Variants in PIWIL4 observed in about 807,000 individuals in gnomAD.
PIWIL4 encodes the protein piwi-like protein 4.
A neutral mutation model predicts 100.9 loss-of-function variants in PIWIL4; 50 were observed. The ratio of observed to expected loss-of-function variants is 0.50; its 90% CI spans 0.39 to 0.63. The LOEUF (loss-of-function observed/expected upper bound fraction) is 0.63, where lower values mean the gene tolerates loss of function less well. PIWIL4 is among the 20% of genes least tolerant of loss of function. The pLI is 0.00. For missense variants in PIWIL4, 887 were observed against 1,043.3 expected, an observed-to-expected ratio of 0.85 and a Z score of 2.06; for synonymous variants, 342 against 367.5, an observed-to-expected ratio of 0.93 and a Z score of 0.79.
At chr11:94,603,204 G>A (rs974056571) in intron 12 of PIWIL4, among the ~76,000 whole-genome samples, 9 of 150,974 alleles carry the variant, frequency 6.0e-5, no homozygotes, top group Admixed American at 5.9e-4. Flanking sequence ...TTGCTGAGAC[G>A]GTTCGGCCAG....
At position 94,595,355 on chromosome 11, in the gene PIWIL4, G is replaced by A. The variant is rs1186277450; in HGVS notation, c.1197G>A (p.Val399=). 1 of 1,613,918 alleles carries A rather than the reference G, an allele frequency of 6.2e-7. No homozygotes were observed. The highest frequency in any genetic ancestry group is 8.5e-7 in the Non-Finnish European group (1 of 1,179,912). Residue 399 remains valine (V), a synonymous_variant, in exon 10 of 20, where the codon GTG becomes GTA. Coordinates refer to ENST00000299001, the MANE Select transcript of PIWIL4 (RefSeq NM_152431.3). ...ATSDFQLMKA[V]AEKTRLSPSG... ...CTGATTTCCAGCTGATGAAGGCTGTGGCTGAAAAGACACGTCTCAGTCCTT... is the reference window on the plus strand; with the variant it reads ...CTGATTTCCAGCTGATGAAGGCTGTAGCTGAAAAGACACGTCTCAGTCCTT...
chr11:94,612,042 G>A (rs989555100), intron 15 of PIWIL4, among the ~76,000 whole-genome samples: 11 of 152,072 alleles, frequency 7.2e-5, no homozygotes, highest in East Asian at 3.9e-4. Flanking sequence ...GTTGTTGGCC[G>A]AAACATTTTA....
At chr11:94,594,327 C>A (rs7946088) in intron 9 of PIWIL4, among the ~76,000 whole-genome samples, 19,345 of 151,372 alleles carry the variant, frequency 0.13, 1,806 homozygotes, top group African/African-American at 0.26. Flanking sequence ...CTAGCTGGGC[C>A]CGGTGGCACG....
chr11:94,572,211 G>A (rs1591773013), intron 2 of PIWIL4, among the ~76,000 whole-genome samples: 1 of 152,260 alleles, frequency 6.6e-6, no homozygotes, highest in East Asian at 1.9e-4. Flanking sequence ...TGGGTAGATT[G>A]CAAAAATTTT....
intron 2 of PIWIL4, 63 bp downstream of exon 2, chr11:94,568,871 G>T (rs1948110961): frequency 6.9e-7 from 1 of 1,453,894 alleles, no homozygotes. Flanking sequence ...GAGGAGCCCT[G>T]CCAGGCCTTA....
intron 8 of PIWIL4, among the ~76,000 whole-genome samples, chr11:94,590,615 C>A (rs114636089): frequency 0.011 from 1,650 of 152,284 alleles, 28 homozygotes; most frequent in African/African-American, 0.037. Context: ...AGACTGAATT[C>A]ATTGTCTTTC....
At chr11:94,583,056 G>GTT (rs1392365602) in intron 4 of PIWIL4, among the ~76,000 whole-genome samples, 1 of 151,682 alleles carries the variant, frequency 6.6e-6, no homozygotes, top group Admixed American at 6.6e-5. Context: ...GTGTGTGTGT[G>GTT]TGTGTGTGTG....
chr11:94,620,080 G>T lies in PIWIL4; in HGVS notation c.2378G>T (p.Gly793Val), dbSNP rs1948889906. ...TYYNVIYDDN[G>V]LKPDHMQRLT... ...TATAATGTCATCTATGATGACAACG[G>T]CTTGAAGCCCGACCATATGCAGAGA... Residue 793 changes from glycine (G) to valine (V), a missense_variant, in exon 19 of 20, where the codon GGC becomes GTC. Physicochemically the swap from Gly to Val is moderately radical, Grantham distance 109. Coordinates refer to ENST00000299001, the MANE Select transcript of PIWIL4 (RefSeq NM_152431.3). 1 of 1,613,844 alleles carries T rather than the reference G, an allele frequency of 6.2e-7. No individual in the cohort carries two copies. The highest frequency in any genetic ancestry group is 8.5e-7 in the Non-Finnish European group (1 of 1,179,916).
intron 15 of PIWIL4, among the ~76,000 whole-genome samples, chr11:94,610,903 G>A (rs1948781459): frequency 6.6e-6 from 1 of 152,140 alleles, no homozygotes; most frequent in Admixed American, 6.5e-5. Flanking sequence ...AAGTTTTGCA[G>A]TGTAAGATCT....
chr11:94,584,876 C>G (rs776516189), intron 5 of PIWIL4, among the ~76,000 whole-genome samples: 9 of 152,128 alleles, frequency 5.9e-5, no homozygotes, highest in Middle Eastern at 3.2e-3. Flanking sequence ...ACCAGCCTGA[C>G]CAACATGGAG....
chr11:94,574,037 G>C (rs183182347), intron 2 of PIWIL4, among the ~76,000 whole-genome samples: 382 of 152,210 alleles, frequency 2.5e-3, no homozygotes, highest in Non-Finnish European at 4.2e-3. Context: ...GAGGGTAATA[G>C]AATTCTAGAA....
chr11:94,570,325 C>T (rs185992520), intron 2 of PIWIL4, among the ~76,000 whole-genome samples: 72 of 152,070 alleles, frequency 4.7e-4, no homozygotes, highest in African/African-American at 1.6e-3. Context: ...GGGGACAGGG[C>T]TGGTTTCTTC....
At chr11:94,591,630 T>G (rs1948486826) in intron 8 of PIWIL4, among the ~76,000 whole-genome samples, 1 of 152,210 alleles carries the variant, frequency 6.6e-6, no homozygotes, top group South Asian at 2.1e-4. Context: ...TTAGGACCTG[T>G]GACATTCTGA....
chr11:94,592,144 TC>T (rs1235850330), intron 8 of PIWIL4, among the ~76,000 whole-genome samples: 3 of 152,014 alleles, frequency 2.0e-5, no homozygotes. Flanking sequence ...CCCCTCCCAC[TC>T]CAGCCCAGGG....
At position 94,603,990 on chromosome 11, in the gene PIWIL4, A is replaced by T; in HGVS notation, c.1572A>T (p.Lys524Asn). 1 of 1,600,558 alleles carries T rather than the reference A, an allele frequency of 6.2e-7. No individual in the cohort carries two copies. Among genetic ancestry groups the T allele is most frequent in the Non-Finnish European group, 8.5e-7 (1 of 1,170,834 alleles). ...GFNVDYPKIIKVQENPAAFVR... is the reference protein window; with the variant it reads ...GFNVDYPKIINVQENPAAFVR... ...AATTAATCTTTTTATGTAGCATAAA[A>T]GTACAAGAAAATCCAGCTGCATTTG... The change falls in exon 13 of 20, where the codon AAA becomes AAT. Residue 524 changes from lysine (K) to asparagine (N), a missense_variant. Physicochemically the swap from Lys to Asn is moderately conservative, Grantham distance 94. This residue lies in a region of PIWIL4 where 741 missense variants were observed against 930.0 expected (regional missense o/e 0.80). Transcript: ENST00000299001.
Position 94,568,805 on chromosome 11 carries a change from A to G in PIWIL4, c.163A>G (p.Asn55Asp). The stretch of plus-strand genomic sequence containing the variant: ...CTTGGGAACAAGCAGGATCTCAACC[A>G]ACGGTAAGTGCAGCTCAGCCTGTTC... Reference protein sequence around the residue: ...GFLGTSRISTNDKYGISSGDA... With the variant: ...GFLGTSRISTDDKYGISSGDA... The change falls in exon 2 of 20, where the codon AAC becomes GAC. Residue 55 changes from asparagine (N) to aspartate (D), a missense_variant. Asn to Asp is a conservative substitution (Grantham distance 23, BLOSUM62 1). Transcript: ENST00000299001. 6.3e-7 allele frequency: 1 copy of G among 1,595,446 alleles called. No individual in the cohort carries two copies. Among genetic ancestry groups the G allele is most frequent in the South Asian group, 1.1e-5 (1 of 90,696 alleles).
chr11:94,597,359 A>ATCTG (rs548619064), intron 10 of PIWIL4, among the ~76,000 whole-genome samples: 29 of 152,324 alleles, frequency 1.9e-4, no homozygotes, highest in African/African-American at 6.7e-4. Flanking sequence ...GAATGATAAT[A>ATCTG]TCTCATAGGT....
intron 14 of PIWIL4, 116 bp downstream of exon 14, chr11:94,607,755 T>A: frequency 9.0e-7 from 1 of 1,115,300 alleles, no homozygotes; most frequent in Non-Finnish European, 1.3e-6. Context: ...TTCTTGAGCC[T>A]TTGCCCTGGG....
chr11:94,589,633 C>A (rs570865384), intron 8 of PIWIL4, among the ~76,000 whole-genome samples: 3 of 152,156 alleles, frequency 2.0e-5, no homozygotes, highest in African/African-American at 7.2e-5. Context: ...ATGTAATTGC[C>A]TCTTGTGATT....
Sources: gnomAD v4.1 joint callset for allele counts (sites outside exome capture counted in the v4.1 genomes callset) on GRCh38, gnomAD v4.1.1 for gene constraint, gnomAD v4.1.1 regional missense constraint, MANE v1.5 for transcripts, NCBI Gene and HGNC (gene_info 2026-07-23, HGNC 2026-07-21) for gene names.